The following ZNF529 variants were observed in gnomAD, a reference collection of about 807,000 sequenced individuals.
The protein encoded by ZNF529 is zinc finger protein 529.
Under a neutral mutation model 10.1 loss-of-function variants are expected in ZNF529, and 11 were observed. That is an observed-to-expected ratio of 1.09 (90% CI 0.69 to 1.81). The LOEUF is 1.81. Ranked by LOEUF, ZNF529 falls within the 40% of genes most tolerant of loss-of-function variation. ZNF529 has a pLI of 0.00. For missense variants in ZNF529, 624 were observed against 666.8 expected (o/e 0.94, Z 0.71); for synonymous variants, 204 against 215.7 (o/e 0.95, Z 0.47).
chr19:36,544,419 A>T lies in ZNF529; in HGVS notation c.*2447T>A, dbSNP rs1206194686. 6.6e-6 allele frequency: 1 copy of T among 152,218 alleles called. No individual in the cohort carries two copies. Among genetic ancestry groups the T allele is most frequent in the Non-Finnish European group, 1.5e-5 (1 of 68,040 alleles). The allele number at this position is 152,218 out of a possible 1,614,324, so 9.4% of individuals were successfully genotyped here. A position where few individuals can be genotyped will look rare whatever the true frequency, so the allele number is the denominator to read the frequency against. ...TTCTCTCACTAATTTTAATGTCTGT[A>T]TACAAGGTTTAGATATTTAGTTTTA... is the stretch of plus-strand genomic sequence containing the variant. On this transcript the variant is annotated 3_prime_UTR_variant, in exon 5 of 5. Coordinates refer to ENST00000591340, the MANE Select transcript of ZNF529 (RefSeq NM_020951.5).
chr19:36,591,107 C>T (rs2036699916), intron 1 of ZNF529, among the ~76,000 whole-genome samples: 1 of 149,066 alleles, frequency 6.7e-6, no homozygotes, highest in African/African-American at 2.5e-5. Context: ...CGAGACCATC[C>T]TCCCAACATG....
At chr19:36,550,537 C>T (rs1026844344) in intron 4 of ZNF529, among the ~76,000 whole-genome samples, 12 of 151,640 alleles carry the variant, frequency 7.9e-5, no homozygotes, top group African/African-American at 2.9e-4. Flanking sequence ...CAGAGTGAGA[C>T]TACGTCTTAA....
chr19:36,580,313 T>C (rs2036435317), intron 2 of ZNF529: 1 of 151,566 alleles, frequency 6.6e-6, no homozygotes, highest in African/African-American at 2.4e-5. Context: ...ATAATACAAA[T>C]AGTACAATAA....
intron 1 of ZNF529, among the ~76,000 whole-genome samples, chr19:36,597,023 A>T (rs2036852793): frequency 6.6e-6 from 1 of 152,022 alleles, no homozygotes; most frequent in Admixed American, 6.6e-5. Context: ...ATAGGCATGC[A>T]TCACCACACT....
At chr19:36,574,168 C>T (rs2036253478), upstream of ZNF529, among the ~76,000 whole-genome samples, 1 of 152,126 alleles carries the variant, frequency 6.6e-6, no homozygotes, top group African/African-American at 2.4e-5. Flanking sequence ...TGGTTTTATA[C>T]CTTTTAGGGA....
At chr19:36,559,353 C>A (rs199922985) in intron 2 of ZNF529, among the ~76,000 whole-genome samples, 1 of 152,216 alleles carries the variant, frequency 6.6e-6, no homozygotes, top group East Asian at 1.9e-4. Context: ...CTTTCACCCA[C>A]GGTGGAGTGC....
chr19:36,572,446 G>A, intron 1 of ZNF529, 54 bp from the exon 2 acceptor site: 1 of 1,390,742 alleles, frequency 7.2e-7, no homozygotes, highest in Non-Finnish European at 9.9e-7. Flanking sequence ...GGTTAAATAA[G>A]AACACAGTGT....
At chr19:36,566,117 C>T (rs1219701577) in intron 2 of ZNF529, among the ~76,000 whole-genome samples, 1 of 152,014 alleles carries the variant, frequency 6.6e-6, no homozygotes, top group African/African-American at 2.4e-5. Context: ...AAATTCTGGC[C>T]CCGGAATAGC....
intron 2 of ZNF529, among the ~76,000 whole-genome samples, chr19:36,585,330 G>A (rs2036557534): frequency 6.6e-6 from 1 of 152,226 alleles, no homozygotes; most frequent in Non-Finnish European, 1.5e-5. Flanking sequence ...TTGACCAGCA[G>A]AGAGCCCCAG....
intron 2 of ZNF529, among the ~76,000 whole-genome samples, chr19:36,560,257 C>CAAAAA (rs58196878): frequency 4.8e-5 from 5 of 104,276 alleles, no homozygotes; most frequent in East Asian, 3.1e-4. Flanking sequence ...AACTCCGTCT[C>CAAAAA]AAAAAAAAAA....
intron 1 of ZNF529, among the ~76,000 whole-genome samples, chr19:36,590,797 G>T (rs2036689956): frequency 6.6e-6 from 1 of 151,702 alleles, no homozygotes; most frequent in Non-Finnish European, 1.5e-5. Flanking sequence ...AGGCATGGTG[G>T]CATGCGCCTG....
chr19:36,592,252 T>C, intron 1 of ZNF529, among the ~76,000 whole-genome samples: 1 of 137,160 alleles, frequency 7.3e-6, no homozygotes, highest in East Asian at 2.1e-4. Context: ...GCCACTGCAC[T>C]GCAGCCTGGG....
At chr19:36,548,349 A>T (rs2035132747) in intron 4 of ZNF529, 27 bp from the exon 5 acceptor site, 1 of 1,483,540 alleles carries the variant, frequency 6.7e-7, no homozygotes, top group African/African-American at 1.4e-5. Context: ...AATAATTTTC[A>T]TGTACTACAA....
At chr19:36,584,442 T>G (rs1194471319) in intron 2 of ZNF529, among the ~76,000 whole-genome samples, 1 of 152,012 alleles carries the variant, frequency 6.6e-6, no homozygotes, top group East Asian at 1.9e-4. Flanking sequence ...TTACGGAATT[T>G]CAAAACAAAT....
intron 2 of ZNF529, among the ~76,000 whole-genome samples, chr19:36,585,521 A>C (rs754669111): frequency 7.2e-5 from 11 of 152,190 alleles, no homozygotes; most frequent in Non-Finnish European, 1.2e-4. Flanking sequence ...AACCCATTTC[A>C]TCTGTAAATG....
chr19:36,551,869 C>T (rs2035273044), intron 4 of ZNF529: 3 of 152,180 alleles, frequency 2.0e-5, no homozygotes, highest in African/African-American at 7.2e-5. Flanking sequence ...CTCTACTTAT[C>T]TGTTTACTTG....
At chr19:36,558,292 T>C (rs149644038) in intron 2 of ZNF529, among the ~76,000 whole-genome samples, 2 of 152,080 alleles carry the variant, frequency 1.3e-5, no homozygotes, top group African/African-American at 4.8e-5. Context: ...CCCAAATTTA[T>C]TGAAAAACAT....
chr19:36,584,595 C>T lies in ZNF529; in HGVS notation c.-41+5020G>A, dbSNP rs533259927. 7.2e-5 allele frequency among the ~76,000 whole-genome samples: 11 copies of T among 151,974 alleles called. No individual in the cohort carries two copies. In the East Asian group the frequency reaches 2.1e-3, roughly 29 times the overall value. On this transcript the variant is annotated intron_variant, in intron 2 of 4. Coordinates refer to the ZNF529 transcript ENST00000585960. ...CAGCCTGGCCAACATGCTGAAACCC[C>T]ATTTTCACTAAAAATACAAAAATCA...
intron 2 of ZNF529, among the ~76,000 whole-genome samples, chr19:36,570,481 C>T (rs1206124382): frequency 6.6e-6 from 1 of 152,066 alleles, no homozygotes; most frequent in African/African-American, 2.4e-5. Flanking sequence ...TGTTTGTATT[C>T]GCACATTGTT....
Sources: gnomAD v4.1 joint callset for allele counts (sites outside exome capture counted in the v4.1 genomes callset) on GRCh38, gnomAD v4.1.1 for gene constraint, MANE v1.5 for transcripts, NCBI Gene and HGNC (gene_info 2026-07-23, HGNC 2026-07-21) for gene names.